NOD1: variants seen among roughly 807,000 people sequenced by gnomAD.
NOD1 encodes nucleotide-binding oligomerization domain-containing protein 1.
NOD1 carries 70 observed loss-of-function variants against 81.2 expected under a neutral mutation model. The observed-to-expected ratio is 0.86, with a 90% CI of 0.71 to 1.05. The LOEUF is 1.05. Ranked by LOEUF, NOD1 falls within the 50% of genes least tolerant of loss-of-function variation. The pLI, the probability that NOD1 is intolerant of heterozygous loss-of-function variation, is 0.00. For missense variants in NOD1, 1,233 were observed against 1,228.0 expected, an observed-to-expected ratio of 1.00 and a Z score of -0.06; for synonymous variants, 508 against 526.9, an observed-to-expected ratio of 0.96 and a Z score of 0.49.
At chr7:30,432,080 G>A (rs1784000373) in intron 12 of NOD1, among the ~76,000 whole-genome samples, 1 of 152,086 alleles carries the variant, frequency 6.6e-6, no homozygotes, top group Non-Finnish European at 1.5e-5. Context: ...ACTCCTGTCT[G>A]GGTGACAAGA....
chr7:30,447,428 G>A (rs907580508), intron 7 of NOD1: 25 of 256,524 alleles, frequency 9.7e-5, no homozygotes, highest in South Asian at 4.8e-4. Context: ...TACATTCAGC[G>A]TCTTGAGAAG....
At position 30,456,911 on chromosome 7, in the gene NOD1, T is replaced by G; in HGVS notation, c.11A>C (p.Gln4Pro). The G allele has an allele frequency of 6.2e-7, 1 of 1,614,118 alleles. No homozygotes were observed. The highest frequency in any genetic ancestry group is 2.2e-5 in the East Asian group (1 of 44,892). Reference sequence around the variant, plus strand: ...GATTATTTCCATCTCACTGTGGCCCTGCTCTTCCATAGTTAAAGTAGCAAG... The same window carrying G: ...GATTATTTCCATCTCACTGTGGCCCGGCTCTTCCATAGTTAAAGTAGCAAG... MEE[Q>P]GHSEMEIIPS... The change falls in exon 4 of 14, where the codon CAG becomes CCG. Residue 4 changes from glutamine (Q) to proline (P), a missense_variant. Coordinates refer to ENST00000222823, the MANE Select transcript of NOD1 (RefSeq NM_006092.4).
At chr7:30,446,879 A>T (rs1218164077) in intron 8 of NOD1, 88 bp downstream of exon 8, 5 of 1,074,348 alleles carry the variant, frequency 4.7e-6, no homozygotes, top group Non-Finnish European at 6.9e-6. Flanking sequence ...TTAGGATGAA[A>T]GCTCTTTACT....
At chr7:30,446,276 G>A (rs772247002) in intron 8 of NOD1, 52 bp from the exon 9 acceptor site, 2 of 1,352,340 alleles carry the variant, frequency 1.5e-6, no homozygotes, top group Admixed American at 1.7e-5. Flanking sequence ...GGGCTCCAAT[G>A]TGGGTCACCC....
chr7:30,475,308 C>G (rs1239306190), intron 1 of NOD1, among the ~76,000 whole-genome samples: 1 of 152,144 alleles, frequency 6.6e-6, no homozygotes, highest in African/African-American at 2.4e-5. Context: ...CAAGGGACAT[C>G]AACTTTCTGA....
chr7:30,454,839 G>T (rs1304801135), intron 5 of NOD1, among the ~76,000 whole-genome samples: 2 of 152,128 alleles, frequency 1.3e-5, no homozygotes, highest in Non-Finnish European at 2.9e-5. Flanking sequence ...CCTTGAATTT[G>T]TGCAACCATT....
In NOD1 at chr7:30,460,450, G is replaced by A. The variant is rs961879257; in HGVS notation, c.-351-409C>T. ...GCTGGGGCCAGGTATCTGGGAGCTG[G>A]GTCTGCTCTCCTGGGTGGAGCTTTC... On this transcript the variant is annotated intron_variant, in intron 1 of 13. Coordinates refer to ENST00000222823, the MANE Select transcript of NOD1 (RefSeq NM_006092.4). 1.8e-5 allele frequency: 18 copies of A among 985,258 alleles called. No homozygotes were observed. In the African/African-American group the frequency reaches 3.1e-4, roughly 17 times the overall value. 61.0% of individuals were successfully genotyped at this position (985,258 alleles called of 1,614,324 possible).
chr7:30,470,596 T>A (rs1351504788), intron 1 of NOD1, among the ~76,000 whole-genome samples: 1 of 152,232 alleles, frequency 6.6e-6, no homozygotes, highest in Non-Finnish European at 1.5e-5. Context: ...TTTCTGTTGC[T>A]CTAAGGCATT....
intron 1 of NOD1, chr7:30,468,914 GAAC>G: frequency 2.0e-6 from 2 of 985,454 alleles, no homozygotes; most frequent in Non-Finnish European, 2.4e-6. Context: ...GTGATGACGT[GAAC>G]AACAGACTTC....
chr7:30,432,883 G>T (rs1784063930), intron 12 of NOD1, among the ~76,000 whole-genome samples: 3 of 152,158 alleles, frequency 2.0e-5, no homozygotes, highest in Non-Finnish European at 4.4e-5. Context: ...AGGGTCTGGG[G>T]AGGAGGACAG....
At chr7:30,468,841 CAAGTA>C in intron 1 of NOD1, 1 of 985,302 alleles carries the variant, frequency 1.0e-6, no homozygotes, top group Non-Finnish European at 1.2e-6. Context: ...CACAGTTTTA[CAAGTA>C]AAGAAGATAA....
intron 12 of NOD1, among the ~76,000 whole-genome samples, chr7:30,430,281 G>T (rs1783831799): frequency 6.6e-6 from 1 of 152,180 alleles, no homozygotes; most frequent in Admixed American, 6.6e-5. Flanking sequence ...CATTGTTCTG[G>T]GTAGCAGTGA....
chr7:30,452,998 T>C lies in NOD1; in HGVS notation c.419A>G (p.Asp140Gly). ...TQQLRHHLGR[D>G]SKFVLCYAQK... The stretch of plus-strand genomic sequence containing the variant: ...GGCATAGCACAGCACGAACTTGGAG[T>C]CACGGCCCAGATGGTGTCGCAGCTG... Residue 140 changes from aspartate (D) to glycine (G), a missense_variant, in exon 6 of 14, where the codon GAC becomes GGC. Transcript: ENST00000222823. The C allele has an allele frequency of 1.2e-6, 2 of 1,613,476 alleles. No homozygotes were observed. Among genetic ancestry groups the C allele is most frequent in the Non-Finnish European group, 8.5e-7 (1 of 1,179,860 alleles).
In NOD1 at chr7:30,425,317, C is replaced by T. The variant is rs957958631; in HGVS notation, c.*321G>A. The T allele has an allele frequency of 6.6e-6, 2 of 303,980 alleles. No homozygotes were observed. Among genetic ancestry groups the T allele is most frequent in the Non-Finnish European group, 1.2e-5 (2 of 161,662 alleles). The allele number at this position is 303,980 out of a possible 1,614,324, so 18.8% of individuals were successfully genotyped here. On this transcript the variant is annotated 3_prime_UTR_variant, in exon 14 of 14. Coordinates refer to ENST00000222823, the MANE Select transcript of NOD1 (RefSeq NM_006092.4). ...TGTTGGAATGAGGTGAGGCTGGCCT[C>T]CTCTGTTTGCTCACAGCTTTATTCC... is the stretch of plus-strand genomic sequence containing the variant.
intron 8 of NOD1, chr7:30,446,621 G>A (rs368141509): frequency 4.1e-5 from 16 of 392,530 alleles, no homozygotes; most frequent in East Asian, 2.0e-4. Flanking sequence ...CACCCCCTGC[G>A]CAGGGCACAC....
intron 1 of NOD1, among the ~76,000 whole-genome samples, chr7:30,465,873 C>T (rs1428644525): frequency 1.3e-5 from 2 of 152,352 alleles, no homozygotes; most frequent in Non-Finnish European, 2.9e-5. Context: ...TACTGTGATA[C>T]TTGCTATATA....
chr7:30,438,160 G>A lies in NOD1; in HGVS notation c.2454-504C>T, dbSNP rs185513471. 1.3e-3 allele frequency among the ~76,000 whole-genome samples: 201 copies of A among 152,260 alleles called. 1 individual carries two copies. The highest frequency in any genetic ancestry group is 4.7e-3 in the African/African-American group (196 of 41,548). ...TACCTTCAGAAACCCCATCAGCAAC[G>A]TTCCTGTCACATAAAGAGGACGTTA... On this transcript the variant is annotated intron_variant, in intron 9 of 13. Coordinates refer to ENST00000222823, the MANE Select transcript of NOD1 (RefSeq NM_006092.4).
intron 1 of NOD1, among the ~76,000 whole-genome samples, chr7:30,475,142 T>C (rs929172863): frequency 6.6e-6 from 1 of 152,218 alleles, no homozygotes; most frequent in African/African-American, 2.4e-5. Context: ...AAGTAAATCA[T>C]CATCTGCTCT....
Position 30,456,937 on chromosome 7 carries a change from C to T in NOD1, c.-16G>A, listed in dbSNP as rs372059138. On this transcript the variant is annotated 5_prime_UTR_variant, in exon 4 of 14. Coordinates refer to ENST00000222823, the MANE Select transcript of NOD1 (RefSeq NM_006092.4). ...GCTCTTCCATAGTTAAAGTAGCAAG[C>T]GGCTACTTTTCCCAAATTCATCTTC... The T allele has an allele frequency of 3.4e-5, 54 of 1,609,884 alleles. No individual in the cohort carries two copies. Among genetic ancestry groups the T allele is most frequent in the African/African-American group, 5.3e-5 (4 of 74,820 alleles).
Sources: allele counts gnomAD v4.1 joint callset (sites outside exome capture counted in the v4.1 genomes callset), GRCh38; gene constraint gnomAD v4.1.1; transcripts MANE v1.5; gene names NCBI Gene and HGNC (gene_info 2026-07-23, HGNC 2026-07-21).